The following METTL8 variants were observed in gnomAD, a reference collection of about 807,000 sequenced individuals.
METTL8 encodes the protein tRNA N(3)-cytidine methyltransferase METTL8, mitochondrial.
In METTL8, 32 loss-of-function variants were observed where a neutral mutation model predicts 48.7. The ratio of observed to expected loss-of-function variants is 0.66; its 90% CI spans 0.50 to 0.88. The LOEUF (loss-of-function observed/expected upper bound fraction) is 0.88, where lower values mean the gene tolerates loss of function less well. Among genes scored for constraint, METTL8 ranks in the 40% least tolerant of loss-of-function variants. The pLI is 0.00. For synonymous variants in METTL8, 136 were observed against 157.1 expected (o/e 0.87, Z 1.01); for missense variants, 464 against 474.4 (o/e 0.98, Z 0.20).
intron 3 of METTL8, among the ~76,000 whole-genome samples, chr2:171,347,904 G>A (rs1683450664): frequency 6.6e-6 from 1 of 152,192 alleles, no homozygotes; most frequent in Admixed American, 6.5e-5. Flanking sequence ...TGATGTCATT[G>A]TGGATCAGGT....
chr2:171,425,818 G>C (rs1692351885), intron 1 of METTL8, among the ~76,000 whole-genome samples: 1 of 152,218 alleles, frequency 6.6e-6, no homozygotes, highest in African/African-American at 2.4e-5. Context: ...ACGTGTGCCA[G>C]GAGACAGGGA....
chr2:171,364,042 ACCTCAGGTGATTTGCCCG>A (rs1486679443), intron 2 of METTL8, among the ~76,000 whole-genome samples: 1 of 151,472 alleles, frequency 6.6e-6, no homozygotes, highest in Non-Finnish European at 1.5e-5. Flanking sequence ...CCAACTCCTG[ACCTCAGGTGATTTGCCCG>A]CCTCAGCCTC....
chr2:171,434,628 G>C, upstream of METTL8: 1 of 1,531,840 alleles, frequency 6.5e-7, no homozygotes, highest in Non-Finnish European at 8.7e-7. Flanking sequence ...GTCGCCGGGC[G>C]CTGGGCTGCT....
intron 1 of METTL8, among the ~76,000 whole-genome samples, chr2:171,405,576 G>A (rs904377567): frequency 3.9e-5 from 6 of 152,116 alleles, no homozygotes; most frequent in Admixed American, 2.6e-4. Flanking sequence ...GAGAAGTTGG[G>A]CTGTATTTTG....
chr2:171,359,760 G>C (rs1447400573), intron 3 of METTL8, among the ~76,000 whole-genome samples: 2 of 151,980 alleles, frequency 1.3e-5, no homozygotes, highest in African/African-American at 4.8e-5. Context: ...CTACAGGCAT[G>C]TGCCACCACG....
chr2:171,404,220 A>G (rs1038046774), intron 1 of METTL8, among the ~76,000 whole-genome samples: 5 of 151,360 alleles, frequency 3.3e-5, no homozygotes, highest in African/African-American at 1.2e-4. Context: ...AAAATATCTT[A>G]TTATACTGTA....
rs1214561508 is a variant in METTL8 at position 171,320,625 on chromosome 2, T to C, written c.*3547A>G. ...TCTAAACTGCCCTTGCTGTATGTAA[T>C]ACTTTCATGACTAGTTTGGCTTTTT... On this transcript the variant is annotated 3_prime_UTR_variant, in exon 10 of 10. Transcript: ENST00000375258. 2.6e-5 allele frequency: 4 copies of C among 152,240 alleles called. No individual in the cohort carries two copies. The highest frequency in any genetic ancestry group is 5.9e-5 in the Non-Finnish European group (4 of 68,038). 9.4% of individuals were successfully genotyped at this position (152,240 alleles called of 1,614,324 possible).
At chr2:171,411,037 C>T (rs1444762729) in intron 1 of METTL8, among the ~76,000 whole-genome samples, 2 of 152,114 alleles carry the variant, frequency 1.3e-5, no homozygotes, top group African/African-American at 2.4e-5. Flanking sequence ...AAAGATCCCT[C>T]TACAAATTCA....
chr2:171,373,151 T>C (rs975787148), intron 2 of METTL8, among the ~76,000 whole-genome samples: 17 of 152,186 alleles, frequency 1.1e-4, no homozygotes, highest in East Asian at 1.9e-4. Flanking sequence ...ACCTGCTGTT[T>C]CCTGACTTTT....
chr2:171,341,937 G>A (rs368561767), intron 3 of METTL8, among the ~76,000 whole-genome samples: 1 of 152,098 alleles, frequency 6.6e-6, no homozygotes, highest in Non-Finnish European at 1.5e-5. Flanking sequence ...CCTCTAGGGA[G>A]AGGAAAGGAG....
chr2:171,376,488 G>A (rs919277211), intron 2 of METTL8, among the ~76,000 whole-genome samples: 2 of 151,994 alleles, frequency 1.3e-5, no homozygotes, highest in African/African-American at 4.8e-5. Context: ...CTGATAAATG[G>A]ATTCAGTAAA....
chr2:171,356,952 A>ATGTTT lies in METTL8; in HGVS notation c.235+3469_235+3470insAAACA. Among the ~76,000 whole-genome samples, 71 of 78,484 alleles carry ATGTTT rather than the reference A, an allele frequency of 9.0e-4. 13 individuals are homozygous for ATGTTT. The highest frequency in any genetic ancestry group is 2.5e-3 in the African/African-American group (56 of 22,472). 51.5% of individuals were successfully genotyped at this position (78,484 alleles called of 152,430 possible). A position where few individuals can be genotyped will look rare whatever the true frequency, so the allele number is the denominator to read the frequency against. ...CAAATTAGCCTTGTTCAAAGACAAT[A>ATGTTT]TTTTTTTTTTTTTTTTTGAGACAGG... is the stretch of plus-strand genomic sequence containing the variant. On this transcript the variant is annotated intron_variant, in intron 3 of 9. Transcript: ENST00000375258.
At chr2:171,407,494 G>A (rs1367062239) in intron 1 of METTL8, among the ~76,000 whole-genome samples, 2 of 152,114 alleles carry the variant, frequency 1.3e-5, no homozygotes, top group Non-Finnish European at 2.9e-5. Context: ...TTGAACGAGA[G>A]GCTCTTACAG....
At chr2:171,409,466 CAGTT>C (rs1254265005) in intron 1 of METTL8, among the ~76,000 whole-genome samples, 1 of 152,148 alleles carries the variant, frequency 6.6e-6, no homozygotes, top group African/African-American at 2.4e-5. Context: ...CTGAGGCAGT[CAGTT>C]AGGACCACAA....
intron 7 of METTL8, chr2:171,326,861 G>A (rs943162700): frequency 3.3e-5 from 5 of 152,010 alleles, no homozygotes; most frequent in South Asian, 2.1e-4. Flanking sequence ...GCATGTTATC[G>A]ATGAATAATT....
intron 1 of METTL8, among the ~76,000 whole-genome samples, chr2:171,402,127 G>C (rs897566227): frequency 6.6e-6 from 1 of 152,154 alleles, no homozygotes; most frequent in Non-Finnish European, 1.5e-5. Context: ...GGCAATATTT[G>C]TGCTGGGTAT....
intron 2 of METTL8, among the ~76,000 whole-genome samples, chr2:171,363,801 T>TAC (rs1685428108): frequency 7.4e-6 from 1 of 135,470 alleles, no homozygotes; most frequent in Admixed American, 7.3e-5. Context: ...TTTATATATA[T>TAC]ATATATATAT....
chr2:171,339,978 C>T (rs558113187), intron 3 of METTL8, among the ~76,000 whole-genome samples: 6 of 148,402 alleles, frequency 4.0e-5, no homozygotes, highest in Middle Eastern at 7.9e-3. Flanking sequence ...GCGGGTGGAT[C>T]ACGAGGTCAG....
At chr2:171,396,608 A>G (rs1312726635) in intron 1 of METTL8, among the ~76,000 whole-genome samples, 1 of 152,206 alleles carries the variant, frequency 6.6e-6, no homozygotes, top group African/African-American at 2.4e-5. Flanking sequence ...TCAAAATAAT[A>G]ATAAGATAGC....
Sources: allele counts gnomAD v4.1 joint callset (sites outside exome capture counted in the v4.1 genomes callset), GRCh38; gene constraint gnomAD v4.1.1; transcripts MANE v1.5; gene names NCBI Gene and HGNC (gene_info 2026-07-23, HGNC 2026-07-21).